The following NLGN1 variants were observed in gnomAD, a reference collection of about 807,000 sequenced individuals.
NLGN1 encodes the protein neuroligin 1.
A neutral mutation model predicts 65.5 loss-of-function variants in NLGN1; 12 were observed. The observed-to-expected ratio is 0.18, with a 90% CI of 0.12 to 0.30. The LOEUF (loss-of-function observed/expected upper bound fraction) is 0.30, where lower values mean the gene tolerates loss of function less well. Ranked by LOEUF, NLGN1 falls within the 10% of genes least tolerant of loss-of-function variation. The probability of loss-of-function intolerance (pLI) is 1.00; values close to 1 mark genes in which losing one functional copy is unlikely to be tolerated. For synonymous variants in NLGN1, 350 were observed against 359.5 expected (o/e 0.97, Z 0.30); for missense variants, 750 against 1,007.1 (o/e 0.74, Z 3.46).
intron 3 of NLGN1, among the ~76,000 whole-genome samples, chr3:173,683,675 C>T (rs1764283940): frequency 6.6e-6 from 1 of 152,002 alleles, no homozygotes; most frequent in South Asian, 2.1e-4. Context: ...AGAACCCATC[C>T]ACATAATTAA....
chr3:173,749,692 T>C (rs1776047141), intron 3 of NLGN1, among the ~76,000 whole-genome samples: 1 of 152,046 alleles, frequency 6.6e-6, no homozygotes, highest in Non-Finnish European at 1.5e-5. Flanking sequence ...AATATTAACA[T>C]ATACACATAC....
chr3:173,901,887 A>C (rs1223863006), intron 4 of NLGN1, among the ~76,000 whole-genome samples: 1 of 152,114 alleles, frequency 6.6e-6, no homozygotes, highest in East Asian at 1.9e-4. Flanking sequence ...TCACAACATT[A>C]CACTGTATAT....
At chr3:173,405,409 A>C (rs2148622826) in intron 1 of NLGN1, among the ~76,000 whole-genome samples, 1 of 152,102 alleles carries the variant, frequency 6.6e-6, no homozygotes, top group South Asian at 2.1e-4. Context: ...TATGGCTACT[A>C]TGCCTCCACT....
intron 3 of NLGN1, among the ~76,000 whole-genome samples, chr3:173,762,998 A>ACACACACACG (rs1451875205): frequency 2.0e-5 from 3 of 151,678 alleles, no homozygotes; most frequent in African/African-American, 7.3e-5. Flanking sequence ...ACACACACAC[A>ACACACACACG]CAGAATCTTT....
At chr3:174,041,167 T>A (rs947651166) in intron 4 of NLGN1, among the ~76,000 whole-genome samples, 6 of 152,206 alleles carry the variant, frequency 3.9e-5, no homozygotes, top group African/African-American at 1.4e-4. Context: ...AAAGTTTTAA[T>A]CACTGTGTGG....
chr3:174,024,501 ACAGAGTTAAATTTTCTATATCC>A (rs1728444370), intron 4 of NLGN1, among the ~76,000 whole-genome samples: 1 of 152,346 alleles, frequency 6.6e-6, no homozygotes, highest in East Asian at 1.9e-4. Flanking sequence ...GTAACAATGC[ACAGAGTTAAATTTTCTATATCC>A]CACTAAGAAA....
At chr3:174,250,315 T>A (rs1337020750) in intron 4 of NLGN1, among the ~76,000 whole-genome samples, 1 of 152,222 alleles carries the variant, frequency 6.6e-6, no homozygotes, top group Non-Finnish European at 1.5e-5. Context: ...TTAATTGCTA[T>A]ATGATAGAAT....
chr3:173,579,516 C>A (rs113108261), intron 2 of NLGN1, among the ~76,000 whole-genome samples: 1 of 152,184 alleles, frequency 6.6e-6, no homozygotes, highest in African/African-American at 2.4e-5. Context: ...TAGTCTTGAT[C>A]ATCACTTCCT....
chr3:173,436,978 T>C (rs11918931), intron 2 of NLGN1, among the ~76,000 whole-genome samples: 26,783 of 152,118 alleles, frequency 0.18, 3,635 homozygotes, highest in African/African-American at 0.38. Flanking sequence ...TCCTTTTTAT[T>C]TTTCTTCACC....
At chr3:173,540,385 G>T (rs1245783562) in intron 2 of NLGN1, among the ~76,000 whole-genome samples, 1 of 152,160 alleles carries the variant, frequency 6.6e-6, no homozygotes. Context: ...ATGGGCCAGA[G>T]TAACACATCC....
chr3:173,505,956 TG>T (rs1219612136), intron 2 of NLGN1, among the ~76,000 whole-genome samples: 6 of 152,108 alleles, frequency 3.9e-5, no homozygotes, highest in Non-Finnish European at 8.8e-5. Context: ...AATGAACAAA[TG>T]AACAAGTAAT....
At chr3:173,677,685 CA>C (rs748541276) in intron 3 of NLGN1, among the ~76,000 whole-genome samples, 14 of 151,972 alleles carry the variant, frequency 9.2e-5, no homozygotes, top group Non-Finnish European at 2.1e-4. Context: ...GATATAGATA[CA>C]TACATATTTA....
chr3:173,870,851 A>C (rs945939498), intron 4 of NLGN1, among the ~76,000 whole-genome samples: 1 of 151,998 alleles, frequency 6.6e-6, no homozygotes, highest in African/African-American at 2.4e-5. Flanking sequence ...AGCATCTTAA[A>C]CTCCAATATT....
At chr3:173,981,974 T>C (rs916841315) in intron 4 of NLGN1, among the ~76,000 whole-genome samples, 2 of 152,142 alleles carry the variant, frequency 1.3e-5, no homozygotes, top group African/African-American at 4.8e-5. Flanking sequence ...TTATGATTTT[T>C]GAAGTACACT....
intron 4 of NLGN1, among the ~76,000 whole-genome samples, chr3:173,895,006 G>T (rs1047131460): frequency 6.6e-6 from 1 of 152,116 alleles, no homozygotes. Context: ...TAAAATCAGC[G>T]TATTACAAAG....
intron 4 of NLGN1, among the ~76,000 whole-genome samples, chr3:174,097,697 A>G (rs1397170720): frequency 6.6e-6 from 1 of 152,194 alleles, no homozygotes; most frequent in Non-Finnish European, 1.5e-5. Flanking sequence ...TGTAATGGAA[A>G]AATATCTGAT....
intron 4 of NLGN1, among the ~76,000 whole-genome samples, chr3:174,212,934 G>A (rs1403596032): frequency 6.6e-6 from 1 of 152,172 alleles, no homozygotes; most frequent in Non-Finnish European, 1.5e-5. Flanking sequence ...ATACCGCTCT[G>A]ACCTTCTCTT....
intron 2 of NLGN1, among the ~76,000 whole-genome samples, chr3:173,523,197 CT>C (rs1490903656): frequency 6.6e-6 from 1 of 151,368 alleles, no homozygotes; most frequent in Non-Finnish European, 1.5e-5. Flanking sequence ...TTCCCTCACT[CT>C]GCACATTGTC....
intron 4 of NLGN1, among the ~76,000 whole-genome samples, chr3:174,131,013 C>T (rs987076306): frequency 2.6e-5 from 4 of 152,034 alleles, no homozygotes; most frequent in African/African-American, 9.7e-5. Flanking sequence ...TCATCATACC[C>T]CTTTCCTGAG....
Sources: allele counts gnomAD v4.1 joint callset (sites outside exome capture counted in the v4.1 genomes callset), GRCh38; gene constraint gnomAD v4.1.1; transcripts MANE v1.5; gene names NCBI Gene and HGNC (gene_info 2026-07-23, HGNC 2026-07-21).